Variants in DLC1 observed in about 807,000 individuals in gnomAD.
DLC1 encodes the protein rho GTPase-activating protein 7.
DLC1 carries 54 observed loss-of-function variants against 140.3 expected under a neutral mutation model. The ratio of observed to expected loss-of-function variants is 0.38; its 90% CI spans 0.31 to 0.48. The LOEUF is 0.48. DLC1 is among the 20% of genes least tolerant of loss of function. DLC1 has a pLI of 0.96. For synonymous variants in DLC1, 986 were observed against 728.1 expected, an observed-to-expected ratio of 1.35 and a Z score of -5.70; for missense variants, 2,536 against 1,907.0, an observed-to-expected ratio of 1.33 and a Z score of -6.14.
intron 4 of DLC1, among the ~76,000 whole-genome samples, chr8:13,321,257 T>C (rs1243105721): frequency 1.3e-5 from 2 of 152,164 alleles, no homozygotes; most frequent in Non-Finnish European, 1.5e-5. Flanking sequence ...AATGAAATAC[T>C]GGCCCGGCGC....
At chr8:13,190,928 G>A (rs906228683) in intron 5 of DLC1, among the ~76,000 whole-genome samples, 2 of 151,964 alleles carry the variant, frequency 1.3e-5, no homozygotes, top group African/African-American at 4.8e-5. Context: ...AACATTCATT[G>A]GCCTGAGGAA....
At chr8:13,518,102 T>TTTTTG (rs1554536834), upstream of DLC1, among the ~76,000 whole-genome samples, 3,945 of 149,466 alleles carry the variant, frequency 0.026, 188 homozygotes, top group East Asian at 0.17. Context: ...CACCTTTCTT[T>TTTTTG]TTTTTGTTTT....
At chr8:13,259,454 T>C (rs1830394003) in intron 5 of DLC1, among the ~76,000 whole-genome samples, 1 of 152,150 alleles carries the variant, frequency 6.6e-6, no homozygotes, top group South Asian at 2.1e-4. Flanking sequence ...TCAATGCAAA[T>C]GATAGATCCT....
intron 5 of DLC1, among the ~76,000 whole-genome samples, chr8:13,171,679 C>T (rs550507961): frequency 7.9e-5 from 12 of 152,194 alleles, no homozygotes; most frequent in South Asian, 2.1e-4. Context: ...TGAACCACCA[C>T]GGCCGGCCCA....
At chr8:13,221,987 A>G (rs1828581080) in intron 5 of DLC1, among the ~76,000 whole-genome samples, 2 of 144,772 alleles carry the variant, frequency 1.4e-5, no homozygotes, top group Admixed American at 7.0e-5. Context: ...TATATATTAT[A>G]TAATATATAA....
At chr8:13,348,522 A>C (rs1277923551) in intron 4 of DLC1, among the ~76,000 whole-genome samples, 1 of 152,228 alleles carries the variant, frequency 6.6e-6, no homozygotes, top group Non-Finnish European at 1.5e-5. Flanking sequence ...TACCAGTTAG[A>C]AGGTTGTTGC....
chr8:13,417,611 T>G (rs1185041958), intron 2 of DLC1, among the ~76,000 whole-genome samples: 1 of 152,048 alleles, frequency 6.6e-6, no homozygotes, highest in Non-Finnish European at 1.5e-5. Context: ...AGTCTATGAT[T>G]GTTGGACATT....
At chr8:13,180,653 C>T (rs1427062980) in intron 5 of DLC1, among the ~76,000 whole-genome samples, 3 of 151,956 alleles carry the variant, frequency 2.0e-5, no homozygotes, top group African/African-American at 7.3e-5. Context: ...AATGTAATCA[C>T]ATATGAACAC....
At chr8:13,599,741 A>T (rs1361227453) in intron 1 of DLC1, among the ~76,000 whole-genome samples, 1 of 152,016 alleles carries the variant, frequency 6.6e-6, no homozygotes, top group African/African-American at 2.4e-5. Flanking sequence ...TGTATATATA[A>T]ACCTCTCATT....
chr8:13,296,234 T>G (rs1360308351), intron 5 of DLC1, among the ~76,000 whole-genome samples: 1 of 151,966 alleles, frequency 6.6e-6, no homozygotes, highest in Non-Finnish European at 1.5e-5. Flanking sequence ...GTAATTACAG[T>G]CGTGAGCCAC....
At chr8:13,502,565 A>T (rs1329577322) in intron 1 of DLC1, among the ~76,000 whole-genome samples, 1 of 152,232 alleles carries the variant, frequency 6.6e-6, no homozygotes, top group Non-Finnish European at 1.5e-5. Context: ...ATTAATAAAT[A>T]GGAGCATTAG....
At chr8:13,093,801 T>G (rs924280567) in intron 12 of DLC1, among the ~76,000 whole-genome samples, 1 of 152,182 alleles carries the variant, frequency 6.6e-6, no homozygotes, top group Admixed American at 6.5e-5. Flanking sequence ...TAGAGACAAT[T>G]TGAGCGCTAA....
intron 2 of DLC1, among the ~76,000 whole-genome samples, chr8:13,497,732 T>G (rs1801578492): frequency 6.6e-6 from 1 of 152,158 alleles, no homozygotes; most frequent in African/African-American, 2.4e-5. Flanking sequence ...TCAAACAGAT[T>G]TGATAGGATA....
At chr8:13,434,708 T>TCACTCTGCTGCC (rs2116889700) in intron 2 of DLC1, among the ~76,000 whole-genome samples, 2 of 152,254 alleles carry the variant, frequency 1.3e-5, no homozygotes, top group African/African-American at 4.8e-5. Flanking sequence ...AGACAGGGTC[T>TCACTCTGCTGCC]CACTCTGCTG....
chr8:13,487,241 G>C (rs1441820885), intron 2 of DLC1, among the ~76,000 whole-genome samples: 3 of 152,064 alleles, frequency 2.0e-5, no homozygotes, highest in African/African-American at 2.4e-5. Context: ...GATTATGACA[G>C]ATACTGAAAA....
At chr8:13,389,039 T>C (rs1330882360) in intron 4 of DLC1, among the ~76,000 whole-genome samples, 1 of 152,064 alleles carries the variant, frequency 6.6e-6, no homozygotes, top group Non-Finnish European at 1.5e-5. Context: ...AGGATCTGGG[T>C]GCCATATCCT....
intron 2 of DLC1, among the ~76,000 whole-genome samples, chr8:13,443,776 A>G (rs1798653136): frequency 6.6e-6 from 1 of 152,206 alleles, no homozygotes. Flanking sequence ...GCTTTTCATG[A>G]TAAGTAGCAT....
At chr8:13,322,990 C>G (rs886360434) in intron 4 of DLC1, among the ~76,000 whole-genome samples, 1 of 152,170 alleles carries the variant, frequency 6.6e-6, no homozygotes, top group Non-Finnish European at 1.5e-5. Flanking sequence ...CAAGCAGCTC[C>G]CTGTGGGTCA....
At chr8:13,543,322 G>A (rs1183176615) in intron 1 of DLC1, among the ~76,000 whole-genome samples, 1 of 152,086 alleles carries the variant, frequency 6.6e-6, no homozygotes. Flanking sequence ...TGTATTGTCA[G>A]TTTCCTTAAG....
Sources: allele counts gnomAD v4.1 joint callset (sites outside exome capture counted in the v4.1 genomes callset), GRCh38; gene constraint gnomAD v4.1.1; transcripts MANE v1.5; gene names NCBI Gene and HGNC (gene_info 2026-07-23, HGNC 2026-07-21).